Variants in OPCML observed in about 807,000 individuals in gnomAD.
The protein encoded by OPCML is opioid-binding protein/cell adhesion molecule.
A neutral mutation model predicts 37.8 loss-of-function variants in OPCML; 13 were observed. The ratio of observed to expected loss-of-function variants is 0.34; its 90% CI spans 0.22 to 0.55. The LOEUF (loss-of-function observed/expected upper bound fraction) is 0.55, where lower values mean the gene tolerates loss of function less well. Among genes scored for constraint, OPCML ranks in the 20% least tolerant of loss-of-function variants. The probability of loss-of-function intolerance (pLI) is 0.91; values close to 1 mark genes in which losing one functional copy is unlikely to be tolerated. For synonymous variants in OPCML, 176 were observed against 168.8 expected (o/e 1.04, Z -0.33); for missense variants, 341 against 435.6 (o/e 0.78, Z 1.93).
intron 1 of OPCML, among the ~76,000 whole-genome samples, chr11:133,384,261 AAAAAGAAAAG>A (rs372043005): frequency 1.6e-4 from 17 of 109,334 alleles, no homozygotes; most frequent in African/African-American, 4.5e-4. Flanking sequence ...AAAAAAAAAA[AAAAAGAAAAG>A]AAAAGAAAAG....
chr11:132,450,179 C>T (rs2096065107), intron 4 of OPCML, among the ~76,000 whole-genome samples: 1 of 152,182 alleles, frequency 6.6e-6, no homozygotes, highest in African/African-American at 2.4e-5. Context: ...ACACTCCAGG[C>T]CTTGATCAAA....
chr11:132,606,275 G>T (rs1439815591), intron 3 of OPCML, among the ~76,000 whole-genome samples: 3 of 152,080 alleles, frequency 2.0e-5, no homozygotes. Flanking sequence ...GCTTAAGCCA[G>T]ATATATATAG....
chr11:133,342,896 A>T (rs1405501767), intron 1 of OPCML, among the ~76,000 whole-genome samples: 1 of 152,190 alleles, frequency 6.6e-6, no homozygotes, highest in Non-Finnish European at 1.5e-5. Flanking sequence ...CTCATGAGGA[A>T]GAGGTGATAG....
rs141134352 is a variant in OPCML at position 132,807,853 on chromosome 11, C to A, written c.146+135073G>T. Among the ~76,000 whole-genome samples the A allele has an allele frequency of 6.6e-5, 10 of 152,254 alleles. No individual in the cohort carries two copies. In the East Asian group the frequency reaches 1.9e-3, roughly 29 times the overall value. On this transcript the variant is annotated intron_variant, in intron 2 of 7. Coordinates refer to ENST00000524381, the MANE Select transcript of OPCML (RefSeq NM_001012393.5). ...TCATTCATTCAAGGATGGATTAATA[C>A]CACTCTCAAGCAAACTCTAGCCTGA...
intron 2 of OPCML, among the ~76,000 whole-genome samples, chr11:132,877,588 G>A (rs1474322110): frequency 1.3e-5 from 2 of 152,142 alleles, no homozygotes; most frequent in African/African-American, 4.8e-5. Flanking sequence ...TAAAAGCCAG[G>A]ACCCTCAGAT....
intron 2 of OPCML, among the ~76,000 whole-genome samples, chr11:132,773,666 T>C (rs1438558133): frequency 6.6e-6 from 1 of 152,196 alleles, no homozygotes; most frequent in Non-Finnish European, 1.5e-5. Context: ...ACTTTGAAAA[T>C]GGGCACAATG....
At chr11:133,045,911 T>C (rs1199834505) in intron 1 of OPCML, among the ~76,000 whole-genome samples, 1 of 152,174 alleles carries the variant, frequency 6.6e-6, no homozygotes, top group African/African-American at 2.4e-5. Flanking sequence ...AATGGCTGCC[T>C]GTAGCCAAGC....
At chr11:133,378,276 A>T (rs1194047483) in intron 1 of OPCML, among the ~76,000 whole-genome samples, 1 of 152,226 alleles carries the variant, frequency 6.6e-6, no homozygotes, top group East Asian at 1.9e-4. Context: ...CCTAAATGAG[A>T]ACAAATACTC....
chr11:133,444,949 AC>A (rs1363823040), intron 1 of OPCML, among the ~76,000 whole-genome samples: 1 of 143,408 alleles, frequency 7.0e-6, no homozygotes, highest in African/African-American at 2.7e-5. Flanking sequence ...AGACCACCAT[AC>A]CCCATCTACA....
chr11:133,242,184 A>G (rs1464127546), intron 1 of OPCML, among the ~76,000 whole-genome samples: 3 of 152,194 alleles, frequency 2.0e-5, no homozygotes, highest in African/African-American at 7.2e-5. Flanking sequence ...CCCTTCACAC[A>G]CATTTTGTAC....
At chr11:133,001,273 C>T (rs774014583) in intron 1 of OPCML, among the ~76,000 whole-genome samples, 1 of 152,182 alleles carries the variant, frequency 6.6e-6, no homozygotes, top group Non-Finnish European at 1.5e-5. Flanking sequence ...TGCCTACATG[C>T]ATAGGTACAC....
Position 132,745,287 on chromosome 11 carries a change from C to T in OPCML, c.147-87968G>A, listed in dbSNP as rs140343502. 4.0e-3 allele frequency among the ~76,000 whole-genome samples: 612 copies of T among 152,206 alleles called. 3 individuals carry two copies. The highest frequency in any genetic ancestry group is 0.014 in the African/African-American group (583 of 41,544). On this transcript the variant is annotated intron_variant, in intron 2 of 7. Transcript: ENST00000524381. The stretch of plus-strand genomic sequence containing the variant: ...AAGAGCCGTCTCATAAGACCATGTT[C>T]CATGAAACTCACCAGCACAAGTCTT...
chr11:133,067,954 G>A (rs1565429525), intron 1 of OPCML: 2 of 152,200 alleles, frequency 1.3e-5, no homozygotes, highest in Admixed American at 1.3e-4. Flanking sequence ...ATCTTTGGGG[G>A]CGCAGTTATG....
rs564629928 is a variant in OPCML, at chr11:133,056,155, G to A, written c.62-113145C>T. On this transcript the variant is annotated intron_variant, in intron 1 of 7. Transcript: ENST00000524381. ...GAAGCAAAACAAACTGGGAGATGGAGGGGGACAGAGAATGATTTATAAATG... is the reference window on the plus strand; with the variant it reads ...GAAGCAAAACAAACTGGGAGATGGAAGGGGACAGAGAATGATTTATAAATG... Among the ~76,000 whole-genome samples, 40 of 152,352 alleles carry A rather than the reference G, an allele frequency of 2.6e-4. 1 individual carries two copies. The South Asian group carries it at 7.5e-3, about 28-fold the overall frequency.
At chr11:133,437,612 A>G (rs2136930168) in intron 1 of OPCML, among the ~76,000 whole-genome samples, 1 of 135,588 alleles carries the variant, frequency 7.4e-6, no homozygotes, top group East Asian at 2.2e-4. Context: ...GCACTTCAAA[A>G]CCTCTGCAAC....
chr11:132,535,418 CA>C (rs139163915), intron 3 of OPCML, among the ~76,000 whole-genome samples: 1,943 of 152,238 alleles, frequency 0.013, 41 homozygotes, highest in African/African-American at 0.039. Flanking sequence ...GACCTCATCT[CA>C]GCTGAGAGGC....
chr11:132,712,303 C>A (rs1176812460), intron 2 of OPCML, among the ~76,000 whole-genome samples: 1 of 151,920 alleles, frequency 6.6e-6, no homozygotes, highest in Non-Finnish European at 1.5e-5. Flanking sequence ...TGCCCCCACC[C>A]TCCCCCACAT....
chr11:132,996,302 G>C (rs937086126), intron 1 of OPCML, among the ~76,000 whole-genome samples: 1 of 151,996 alleles, frequency 6.6e-6, no homozygotes, highest in Non-Finnish European at 1.5e-5. Context: ...CAAATGTATG[G>C]GTGCAAAGAG....
intron 7 of OPCML, among the ~76,000 whole-genome samples, chr11:132,422,225 T>TCATTCTATCC (rs2095961967): frequency 6.6e-6 from 1 of 152,026 alleles, no homozygotes; most frequent in East Asian, 1.9e-4. Context: ...AGTATAGGAG[T>TCATTCTATCC]CATTCTATCC....
Sources: allele counts gnomAD v4.1 joint callset (sites outside exome capture counted in the v4.1 genomes callset), GRCh38; gene constraint gnomAD v4.1.1; transcripts MANE v1.5; gene names NCBI Gene and HGNC (gene_info 2026-07-23, HGNC 2026-07-21).